Variants in PRKCH observed in about 807,000 individuals in gnomAD.
PRKCH encodes protein kinase C eta, also known as protein kinase C eta type.
Under a neutral mutation model 82.5 loss-of-function variants are expected in PRKCH, and 28 were observed. The observed-to-expected ratio is 0.34, with a 90% confidence interval of 0.25 to 0.47. PRKCH has a LOEUF of 0.47. PRKCH is among the 20% of genes least tolerant of loss of function. The probability of loss-of-function intolerance (pLI) is 1.00; values close to 1 mark genes in which losing one functional copy is unlikely to be tolerated. For missense variants in PRKCH, 705 were observed against 881.8 expected (o/e 0.80, Z 2.54); for synonymous variants, 322 against 327.4 (o/e 0.98, Z 0.18).
At chr14:61,449,900 C>CTG (rs57980810) in intron 5 of PRKCH, among the ~76,000 whole-genome samples, 13 of 36,996 alleles carry the variant, frequency 3.5e-4, no homozygotes, top group African/African-American at 5.3e-4. Context: ...CTCTCTCTCT[C>CTG]TGTGTGTGTG....
intron 3 of PRKCH, among the ~76,000 whole-genome samples, chr14:61,443,711 A>T (rs1884084100): frequency 6.6e-6 from 1 of 152,244 alleles, no homozygotes; most frequent in South Asian, 2.1e-4. Flanking sequence ...GGTATGTAAC[A>T]GAAGATAATA....
chr14:61,400,938 A>G (rs1241260612), intron 2 of PRKCH, among the ~76,000 whole-genome samples: 2 of 152,018 alleles, frequency 1.3e-5, no homozygotes, highest in African/African-American at 4.8e-5. Flanking sequence ...ATCTTTCTAC[A>G]CCATCCAGCT....
intron 1 of PRKCH, among the ~76,000 whole-genome samples, chr14:61,299,357 A>G (rs750649885): frequency 6.6e-6 from 1 of 152,114 alleles, no homozygotes; most frequent in Non-Finnish European, 1.5e-5. Flanking sequence ...ACCAGTCAAA[A>G]GTTCCTAGAA....
chr14:61,247,873 C>T (rs974052417), intron 1 of PRKCH, among the ~76,000 whole-genome samples: 1 of 151,612 alleles, frequency 6.6e-6, no homozygotes, highest in Non-Finnish European at 1.5e-5. Context: ...CTGAAGACAA[C>T]AGTAGAGATC....
intron 2 of PRKCH, among the ~76,000 whole-genome samples, chr14:61,399,374 C>T (rs558027784): frequency 3.7e-4 from 56 of 152,310 alleles, no homozygotes; most frequent in Middle Eastern, 3.4e-3. Context: ...CCTCTTTCCA[C>T]TTACAAATTA....
intron 1 of PRKCH, among the ~76,000 whole-genome samples, chr14:61,301,700 G>C (rs1327944133): frequency 6.6e-6 from 1 of 152,134 alleles, no homozygotes; most frequent in East Asian, 1.9e-4. Context: ...AATTAGCTGG[G>C]TGTGGTAGTG....
intron 2 of PRKCH, among the ~76,000 whole-genome samples, chr14:61,429,606 C>T (rs2140257239): frequency 6.6e-6 from 1 of 152,212 alleles, no homozygotes; most frequent in African/African-American, 2.4e-5. Context: ...TGGCTAGTTA[C>T]AGTGGCAGTT....
intron 9 of PRKCH, among the ~76,000 whole-genome samples, chr14:61,484,202 G>A (rs553369020): frequency 8.6e-5 from 13 of 151,298 alleles, no homozygotes; most frequent in African/African-American, 1.7e-4. Context: ...CAGAGACGTC[G>A]CCTGACCCCC....
intron 7 of PRKCH, among the ~76,000 whole-genome samples, chr14:61,453,827 A>ATT: frequency 6.9e-6 from 1 of 144,190 alleles, no homozygotes; most frequent in African/African-American, 2.5e-5. Flanking sequence ...GTAATTTTTT[A>ATT]TTTTTTTTTT....
intron 1 of PRKCH, among the ~76,000 whole-genome samples, chr14:61,308,497 C>G (rs1476183697): frequency 6.6e-6 from 1 of 152,224 alleles, no homozygotes; most frequent in African/African-American, 2.4e-5. Flanking sequence ...TATATTATCA[C>G]ACCCATTGTA....
At chr14:61,479,520 C>T (rs958265942) in intron 9 of PRKCH, among the ~76,000 whole-genome samples, 5 of 152,174 alleles carry the variant, frequency 3.3e-5, no homozygotes, top group South Asian at 2.1e-4. Flanking sequence ...TGCTCGCTCT[C>T]CAGTCACTTT....
At chr14:61,381,721 G>A (rs756527874) in intron 1 of PRKCH, among the ~76,000 whole-genome samples, 65 of 152,222 alleles carry the variant, frequency 4.3e-4, no homozygotes, top group Non-Finnish European at 7.9e-4. Context: ...CACTCCCAGT[G>A]GCCTTGGCAG....
intron 2 of PRKCH, among the ~76,000 whole-genome samples, chr14:61,407,219 G>A (rs553859388): frequency 1.7e-4 from 26 of 152,210 alleles, no homozygotes; most frequent in Non-Finnish European, 3.7e-4. Flanking sequence ...TAGGATTATA[G>A]GGATTTTAAT....
At chr14:61,348,470 TG>T (rs1447216019) in intron 1 of PRKCH, among the ~76,000 whole-genome samples, 3 of 152,234 alleles carry the variant, frequency 2.0e-5, no homozygotes, top group African/African-American at 7.2e-5. Flanking sequence ...ATGCTTGGGC[TG>T]GGATGAAATA....
chr14:61,390,430 G>A (rs1273667520), intron 1 of PRKCH, among the ~76,000 whole-genome samples: 1 of 152,172 alleles, frequency 6.6e-6, no homozygotes. Context: ...CAGCACTTTG[G>A]GAGGCTGAGG....
intron 1 of PRKCH, among the ~76,000 whole-genome samples, chr14:61,224,742 T>C (rs543824242): frequency 1.3e-5 from 2 of 152,348 alleles, no homozygotes; most frequent in Admixed American, 1.3e-4. Context: ...GCTAACGTAG[T>C]GTCTGCCAGG....
chr14:61,461,956 A>G (rs1885047609), intron 9 of PRKCH, among the ~76,000 whole-genome samples: 1 of 152,220 alleles, frequency 6.6e-6, no homozygotes, highest in African/African-American at 2.4e-5. Flanking sequence ...TCATTACCGC[A>G]AAGTTACTTT....
At chr14:61,530,638 C>G in intron 12 of PRKCH, 43 bp downstream of exon 12, 1 of 1,531,396 alleles carries the variant, frequency 6.5e-7, no homozygotes, top group East Asian at 2.3e-5. Flanking sequence ...TATTGCAAAC[C>G]AGCTTGTTTC....
At chr14:61,507,087 T>C (rs1337663431) in intron 10 of PRKCH, among the ~76,000 whole-genome samples, 3 of 152,074 alleles carry the variant, frequency 2.0e-5, no homozygotes, top group Admixed American at 6.6e-5. Context: ...TACAACCCAA[T>C]AGCAAAAACT....
Sources: allele counts gnomAD v4.1 joint callset (sites outside exome capture counted in the v4.1 genomes callset), GRCh38; gene constraint gnomAD v4.1.1; transcripts MANE v1.5; gene names NCBI Gene and HGNC (gene_info 2026-07-23, HGNC 2026-07-21).